Variants in ZNF559 observed in about 807,000 individuals in gnomAD.
ZNF559 encodes zinc finger protein 559.
ZNF559 carries 17 observed loss-of-function variants against 14.2 expected under a neutral mutation model. The observed-to-expected ratio is 1.20, with a 90% CI of 0.82 to 1.80. The LOEUF (loss-of-function observed/expected upper bound fraction) is 1.80, where lower values mean the gene tolerates loss of function less well. ZNF559 is among the 40% of genes most tolerant of loss of function. ZNF559 has a pLI of 0.00. For synonymous variants in ZNF559, 244 were observed against 212.4 expected (o/e 1.15, Z -1.29); for missense variants, 740 against 629.7 (o/e 1.18, Z -1.88).
chr19:9,341,111 G>C lies in ZNF559; in HGVS notation c.170G>C (p.Ser57Thr), dbSNP rs1450516058. ...TTTCATCTTATTTCAGATTGGGAGA[G>C]TCATATTAATACCAAATGGTCAGCA... is the stretch of plus-strand genomic sequence containing the variant. ...YKNLVAVDWE[S>T]HINTKWSAPQ... The change falls in exon 6 of 7, where the codon AGT becomes ACT. Residue 57 changes from serine to threonine, a missense_variant. Transcript: ENST00000603380. 2 of 1,607,540 alleles carry C rather than the reference G, an allele frequency of 1.2e-6. No homozygotes were observed. The highest frequency in any genetic ancestry group is 1.7e-5 in the Admixed American group (1 of 58,086).
At position 9,342,476 on chromosome 19, in the gene ZNF559, AAC is replaced by A. The variant is rs955666206; in HGVS notation, c.1029_1030del (p.His343GlnfsTer11). 3.5e-5 allele frequency: 57 copies of A among 1,613,884 alleles called. No homozygotes were observed. Among genetic ancestry groups the A allele is most frequent in the Non-Finnish European group, 4.7e-5 (55 of 1,180,014 alleles). On this transcript the variant is annotated frameshift_variant, in exon 7 of 7. Coordinates refer to ENST00000603380, the MANE Select transcript of ZNF559 (RefSeq NM_032497.3). LOFTEE classifies it low-confidence loss of function (END_TRUNC). ...TTCACTGATTCATCAGGTCTTATAAAACACAGGCGAACTCACACTGGAGAAAA... is the reference window on the plus strand; with the variant it reads ...TTCACTGATTCATCAGGTCTTATAAAACAGGCGAACTCACACTGGAGAAAA...
Position 9,342,362 on chromosome 19 carries a change from A to G in ZNF559, c.911A>G (p.Lys304Arg), listed in dbSNP as rs1489057998. The change falls in exon 7 of 7, where the codon AAA (lysine) becomes AGA (arginine). Residue 304 changes from lysine (K) to arginine (R), a missense_variant. Transcript: ENST00000603380. Reference sequence around the variant, plus strand: ...CACTATGTTTGTAATGAATGTGGCAAAGAATTTACTTGTTTCTCAAAACTC... The same window carrying G: ...CACTATGTTTGTAATGAATGTGGCAGAGAATTTACTTGTTTCTCAAAACTC... ...GKHYVCNECG[K>R]EFTCFSKLNI... The G allele has an allele frequency of 5.0e-6, 8 of 1,608,802 alleles. No homozygotes were observed. Among genetic ancestry groups the G allele is most frequent in the South Asian group, 1.1e-5 (1 of 90,356 alleles).
intron 5 of ZNF559, among the ~76,000 whole-genome samples, chr19:9,339,934 A>ATTTTT (rs545536064): frequency 5.7e-4 from 49 of 86,392 alleles, no homozygotes; most frequent in African/African-American, 1.8e-3. Flanking sequence ...ACGCCTGGCT[A>ATTTTT]TTTTTTTTTT....
chr19:9,324,162 C>T, upstream of ZNF559: 1 of 1,535,968 alleles, frequency 6.5e-7, no homozygotes, highest in South Asian at 1.2e-5. Flanking sequence ...GCGTGCGCGG[C>T]GTGTCTGCGT....
chr19:9,324,583 C>A (rs1461105014), intron 1 of ZNF559, 112 bp from the exon 2 acceptor site: 2 of 1,165,638 alleles, frequency 1.7e-6, no homozygotes, highest in Non-Finnish European at 2.4e-6. Flanking sequence ...TACTTGAGGC[C>A]AGGAGTTCAA....
rs1465836888 is a variant in ZNF559, at chr19:9,342,378, C to T, written c.927C>T (p.Phe309=). 1.9e-6 allele frequency: 3 copies of T among 1,610,330 alleles called. No individual in the cohort carries two copies. Among genetic ancestry groups the T allele is most frequent in the Admixed American group, 3.4e-5 (2 of 59,322 alleles). The change falls in exon 7 of 7, where the codon TTC becomes TTT. Residue 309 remains phenylalanine (F), a synonymous_variant. Transcript: ENST00000603380. ...AATGTGGCAAAGAATTTACTTGTTT[C>T]TCAAAACTCAACATTCACATAAGGG... ...CNECGKEFTC[F]SKLNIHIRVH...
chr19:9,338,221 T>C (rs1242632487), intron 3 of ZNF559, among the ~76,000 whole-genome samples: 3 of 152,226 alleles, frequency 2.0e-5, no homozygotes, highest in Non-Finnish European at 4.4e-5. Context: ...GAAGTTCTGC[T>C]TAATCACATG....
At chr19:9,337,969 T>A (rs1227856866) in intron 3 of ZNF559, 111 bp downstream of exon 3, 3 of 1,535,966 alleles carry the variant, frequency 2.0e-6, no homozygotes, top group Admixed American at 2.0e-5. Context: ...TTCAGGCACA[T>A]TTCACTGTTA....
At chr19:9,326,485 T>A (rs112634206) in intron 2 of ZNF559, among the ~76,000 whole-genome samples, 3 of 152,320 alleles carry the variant, frequency 2.0e-5, no homozygotes, top group African/African-American at 7.2e-5. Flanking sequence ...TGCAATGATG[T>A]TTTCCTGTGA....
At chr19:9,338,025 C>T (rs1030504366) in intron 3 of ZNF559, 167 bp downstream of exon 3, 44 of 1,534,998 alleles carry the variant, frequency 2.9e-5, no homozygotes, top group African/African-American at 1.6e-4. Flanking sequence ...GTGGTAAGTC[C>T]GTATTGATGG....
Position 9,342,219 on chromosome 19 carries a change from T to C in ZNF559, c.768T>C (p.Leu256=). 1 of 1,591,326 alleles carries C rather than the reference T, an allele frequency of 6.3e-7. No individual in the cohort carries two copies. Among genetic ancestry groups the C allele is most frequent in the Non-Finnish European group, 8.5e-7 (1 of 1,172,654 alleles). ...CGKPFTESSY[L]TQHLRTHSRV... ...AACCCTTCACTGAGTCGTCATATCTTACTCAACATTTAAGAACTCATAGTA... is the reference window on the plus strand; with the variant it reads ...AACCCTTCACTGAGTCGTCATATCTCACTCAACATTTAAGAACTCATAGTA... Residue 256 remains leucine, a synonymous_variant, in exon 7 of 7, where the codon CTT becomes CTC. Transcript: ENST00000603380.
At chr19:9,337,739 T>C (rs1599334809) in intron 2 of ZNF559, 57 bp from the exon 3 acceptor site, 2 of 1,255,610 alleles carry the variant, frequency 1.6e-6, no homozygotes, top group Non-Finnish European at 2.1e-6. Flanking sequence ...TTATTATTTA[T>C]GTCCACGTGG....
intron 6 of ZNF559, chr19:9,341,398 T>G (rs1458919239): frequency 1.3e-6 from 1 of 753,382 alleles, no homozygotes; most frequent in Admixed American, 2.0e-5. Flanking sequence ...TCCTTCAACA[T>G]TCCCATATGT....
At chr19:9,324,077 G>A, upstream of ZNF559, 2 of 1,363,208 alleles carry the variant, frequency 1.5e-6, no homozygotes, top group Non-Finnish European at 2.0e-6. Context: ...TCTCAGCTCT[G>A]GGTTGGAAAA....
intron 2 of ZNF559, among the ~76,000 whole-genome samples, chr19:9,331,026 T>C (rs2145106537): frequency 6.6e-6 from 1 of 152,334 alleles, no homozygotes; most frequent in Non-Finnish European, 1.5e-5. Flanking sequence ...ATAAGGTTGA[T>C]GACAAGCACA....
rs2067326051 is a variant in ZNF559, at chr19:9,337,878, C to T, written c.-57+20C>T. On this transcript the variant is annotated intron_variant, in intron 3 of 6. Coordinates refer to ENST00000603380, the MANE Select transcript of ZNF559 (RefSeq NM_032497.3). ...TTGACGGTATGAGGCAAGACTCCCA[C>T]TACTACTTAATCAAGAGGAATTGAG... is the stretch of plus-strand genomic sequence containing the variant. The T allele has an allele frequency of 1.3e-6, 2 of 1,526,538 alleles. No homozygotes were observed. The highest frequency in any genetic ancestry group is 4.9e-5 in the East Asian group (2 of 40,766). 94.6% of individuals were successfully genotyped at this position (1,526,538 alleles called of 1,614,324 possible). A position where few individuals can be genotyped will look rare whatever the true frequency, so the allele number is the denominator to read the frequency against.
chr19:9,336,675 T>C (rs1222585655), intron 2 of ZNF559, among the ~76,000 whole-genome samples: 1 of 152,202 alleles, frequency 6.6e-6, no homozygotes. Flanking sequence ...TCTAGGACAT[T>C]TTTTGTATAG....
chr19:9,336,778 G>A (rs1599330533), intron 2 of ZNF559, among the ~76,000 whole-genome samples: 1 of 152,162 alleles, frequency 6.6e-6, no homozygotes, highest in East Asian at 1.9e-4. Context: ...GTAAGCCAGA[G>A]ATGAGGACTT....
At chr19:9,328,348 C>CTTTT (rs904074002) in intron 2 of ZNF559, among the ~76,000 whole-genome samples, 766 of 60,964 alleles carry the variant, frequency 0.013, 49 homozygotes, top group African/African-American at 0.048. Flanking sequence ...GCTTGTTTGT[C>CTTTT]TTTTTTTTTT....
Sources: allele counts gnomAD v4.1 joint callset (sites outside exome capture counted in the v4.1 genomes callset), GRCh38; gene constraint gnomAD v4.1.1; transcripts MANE v1.5; gene names NCBI Gene and HGNC (gene_info 2026-07-23, HGNC 2026-07-21).